The following CFAP95 variants were observed in gnomAD, a reference collection of about 807,000 sequenced individuals.
CFAP95 encodes the protein cilia and flagella associated protein 95, also known as cilia- and flagella-associated protein 95.
the CFAP95 span, among the ~76,000 whole-genome samples, chr9:69,879,227 T>A: frequency 1.3e-5 from 2 of 152,248 alleles, no homozygotes; most frequent in Non-Finnish European, 1.5e-5. Flanking sequence ...CAGTAGATAA[T>A]GATCTTTGTA....
At chr9:69,885,737 A>C in the CFAP95 span, among the ~76,000 whole-genome samples, 1 of 152,196 alleles carries the variant, frequency 6.6e-6, no homozygotes, top group Admixed American at 6.5e-5. Context: ...ACTATTCTTC[A>C]GCGGTCACCT....
At chr9:69,831,610 A>G in the CFAP95 span, among the ~76,000 whole-genome samples, 1 of 152,092 alleles carries the variant, frequency 6.6e-6, no homozygotes, top group Non-Finnish European at 1.5e-5. Flanking sequence ...ATGTACTGTG[A>G]TATGTGTTTT....
the CFAP95 span, among the ~76,000 whole-genome samples, chr9:69,824,460 A>G: frequency 2.0e-5 from 3 of 152,120 alleles, no homozygotes; most frequent in Admixed American, 1.3e-4. Flanking sequence ...CCCTACGTGC[A>G]TGTTCCCAAC....
chr9:69,822,193 G>C, the CFAP95 span, among the ~76,000 whole-genome samples: 1 of 152,158 alleles, frequency 6.6e-6, no homozygotes, highest in African/African-American at 2.4e-5. Context: ...AGAAAAAAAA[G>C]AAATGAAAAG....
the CFAP95 span, among the ~76,000 whole-genome samples, chr9:69,887,867 A>T: frequency 6.6e-6 from 1 of 152,184 alleles, no homozygotes; most frequent in Non-Finnish European, 1.5e-5. Flanking sequence ...CGTGGGAGGA[A>T]CACTGGCAAG....
the CFAP95 span, among the ~76,000 whole-genome samples, chr9:69,901,294 C>T: frequency 1.3e-5 from 2 of 152,086 alleles, no homozygotes; most frequent in African/African-American, 2.4e-5. Context: ...CCCGCCACTA[C>T]GCCCAGCTAA....
chr9:69,846,328 T>A, the CFAP95 span, among the ~76,000 whole-genome samples: 1 of 152,134 alleles, frequency 6.6e-6, no homozygotes, highest in Admixed American at 6.6e-5. Context: ...TTAATGAGAA[T>A]GTGTAAATAA....
At chr9:69,865,175 C>A in the CFAP95 span, among the ~76,000 whole-genome samples, 1 of 152,164 alleles carries the variant, frequency 6.6e-6, no homozygotes, top group Non-Finnish European at 1.5e-5. Flanking sequence ...TCTCCTGCTG[C>A]CCTCTAAAGA....
the CFAP95 span, among the ~76,000 whole-genome samples, chr9:69,895,163 A>C: frequency 2.0e-5 from 3 of 152,112 alleles, no homozygotes; most frequent in Non-Finnish European, 4.4e-5. Flanking sequence ...CTTTTAGTAA[A>C]GATTATTCCA....
the CFAP95 span, among the ~76,000 whole-genome samples, chr9:69,832,871 C>A: frequency 6.6e-6 from 1 of 151,648 alleles, no homozygotes; most frequent in East Asian, 1.9e-4. Flanking sequence ...CTACTGGGGG[C>A]GTTGGGAAAT....
the CFAP95 span, among the ~76,000 whole-genome samples, chr9:69,870,231 G>A: frequency 6.6e-6 from 1 of 152,076 alleles, no homozygotes. Flanking sequence ...TTACTAAGAA[G>A]AGTTAGGCAC....
chr9:69,882,467 A>G, the CFAP95 span, among the ~76,000 whole-genome samples: 1 of 152,286 alleles, frequency 6.6e-6, no homozygotes, highest in East Asian at 1.9e-4. Flanking sequence ...GCTCTAGCTA[A>G]GATTTCCAGT....
the CFAP95 span, among the ~76,000 whole-genome samples, chr9:69,864,883 T>G: frequency 6.6e-6 from 1 of 152,184 alleles, no homozygotes; most frequent in Non-Finnish European, 1.5e-5. Context: ...TGCTTCCTGG[T>G]AAAATATTAC....
the CFAP95 span, among the ~76,000 whole-genome samples, chr9:69,886,478 G>GCTAAGCAC: frequency 6.6e-6 from 1 of 152,204 alleles, no homozygotes; most frequent in African/African-American, 2.4e-5. Flanking sequence ...CATAGTGCTT[G>GCTAAGCAC]ATAAGTCCTT....
At chr9:69,896,378 T>C in the CFAP95 span, among the ~76,000 whole-genome samples, 1 of 152,332 alleles carries the variant, frequency 6.6e-6, no homozygotes, top group East Asian at 1.9e-4. Flanking sequence ...TCTTTAAAAG[T>C]CAATTTATTT....
At chr9:69,906,008 T>C in the CFAP95 span, 1 of 1,612,870 alleles carries the variant, frequency 6.2e-7, no homozygotes, top group Non-Finnish European at 8.5e-7. Context: ...CCGTTCTCAG[T>C]TCACGGATCT....
chr9:69,895,369 C>CTGTGTGTGTG, the CFAP95 span, among the ~76,000 whole-genome samples: 8,721 of 107,432 alleles, frequency 0.081, 538 homozygotes, highest in East Asian at 0.17. Flanking sequence ...CTCTCTCTCT[C>CTGTGTGTGTG]TGTGTGTGTG....
the CFAP95 span, among the ~76,000 whole-genome samples, chr9:69,886,458 T>C: frequency 1.7e-4 from 26 of 152,184 alleles, no homozygotes; most frequent in Non-Finnish European, 7.4e-5. Flanking sequence ...CAAACTGCAA[T>C]AGTGAAGGCC....
chr9:69,856,796 C>T, the CFAP95 span: 1 of 545,352 alleles, frequency 1.8e-6, no homozygotes, highest in Admixed American at 3.2e-5. Flanking sequence ...ACATTTGTCT[C>T]AAGCTTCCAT....
Sources: allele counts gnomAD v4.1 joint callset (sites outside exome capture counted in the v4.1 genomes callset), GRCh38; gene constraint gnomAD v4.1.1; transcripts MANE v1.5; gene names NCBI Gene and HGNC (gene_info 2026-07-23, HGNC 2026-07-21).